CABCOCO1: variants seen among roughly 807,000 people sequenced by gnomAD.
CABCOCO1 encodes ciliary-associated calcium-binding coiled-coil protein 1.
Under a neutral mutation model 35.7 loss-of-function variants are expected in CABCOCO1, and 28 were observed. The observed-to-expected ratio is 0.78, with a 90% CI of 0.58 to 1.07. The LOEUF is 1.07. Ranked by LOEUF, CABCOCO1 falls within the 50% of genes least tolerant of loss-of-function variation. The pLI, the probability that CABCOCO1 is intolerant of heterozygous loss-of-function variation, is 0.00. For synonymous variants in CABCOCO1, 95 were observed against 100.1 expected (o/e 0.95, Z 0.30); for missense variants, 326 against 309.2 (o/e 1.05, Z -0.41).
At chr10:61,671,630 C>A (rs1253866162) in intron 1 of CABCOCO1, among the ~76,000 whole-genome samples, 1 of 152,170 alleles carries the variant, frequency 6.6e-6, no homozygotes, top group Non-Finnish European at 1.5e-5. Flanking sequence ...CATAACATGA[C>A]TACATTCACC....
At chr10:61,701,734 C>G in intron 5 of CABCOCO1, 1 of 985,204 alleles carries the variant, frequency 1.0e-6, no homozygotes, top group Non-Finnish European at 1.2e-6. Context: ...TCAGGTTCAG[C>G]AACCCACATT....
At chr10:61,663,765 T>C (rs893950747) in intron 1 of CABCOCO1, among the ~76,000 whole-genome samples, 2 of 152,160 alleles carry the variant, frequency 1.3e-5, no homozygotes, top group Non-Finnish European at 2.9e-5. Context: ...TTTAAGTAAC[T>C]TTACTCATAA....
At chr10:61,683,844 G>A (rs1161769385) in intron 3 of CABCOCO1, among the ~76,000 whole-genome samples, 1 of 151,992 alleles carries the variant, frequency 6.6e-6, no homozygotes, top group Non-Finnish European at 1.5e-5. Context: ...ATTATCTACA[G>A]AAAGACATTA....
chr10:61,719,306 G>C (rs1840940646), intron 5 of CABCOCO1, among the ~76,000 whole-genome samples: 3 of 152,242 alleles, frequency 2.0e-5, no homozygotes, highest in Middle Eastern at 3.4e-3. Flanking sequence ...ACTAAGAAAA[G>C]TTAGGCCTAC....
At chr10:61,742,407 T>C (rs1259188387) in intron 5 of CABCOCO1, among the ~76,000 whole-genome samples, 1 of 152,120 alleles carries the variant, frequency 6.6e-6, no homozygotes, top group East Asian at 1.9e-4. Context: ...GCACGAACTA[T>C]ATGCAAGATG....
chr10:61,680,663 ATG>A (rs1377820342), intron 2 of CABCOCO1, among the ~76,000 whole-genome samples: 4 of 67,844 alleles, frequency 5.9e-5, no homozygotes, highest in Non-Finnish European at 1.2e-4. Context: ...TATGTTATAC[ATG>A]TATAACATAT....
At chr10:61,681,436 T>C (rs1839789193) in intron 3 of CABCOCO1, 124 bp downstream of exon 3, 2 of 653,446 alleles carry the variant, frequency 3.1e-6, no homozygotes, top group Admixed American at 7.4e-5. Flanking sequence ...TTTTCCTGAG[T>C]ATAACAAATA....
At chr10:61,690,419 C>G in intron 4 of CABCOCO1, 130 bp from the exon 5 acceptor site, 1 of 559,486 alleles carries the variant, frequency 1.8e-6, no homozygotes, top group South Asian at 2.6e-5. Flanking sequence ...AAGGAGGATG[C>G]TAAGTCTGTT....
chr10:61,749,328 G>A (rs1470077662), intron 5 of CABCOCO1, among the ~76,000 whole-genome samples: 1 of 152,178 alleles, frequency 6.6e-6, no homozygotes, highest in African/African-American at 2.4e-5. Context: ...CTGCATGCCT[G>A]TTCCTAGAGA....
At chr10:61,694,809 A>G (rs1326951228) in intron 5 of CABCOCO1, among the ~76,000 whole-genome samples, 1 of 152,004 alleles carries the variant, frequency 6.6e-6, no homozygotes, top group African/African-American at 2.4e-5. Flanking sequence ...CAAAAATTGG[A>G]GGGGGAAGAG....
At chr10:61,667,583 AG>A (rs1839228851) in intron 1 of CABCOCO1, among the ~76,000 whole-genome samples, 1 of 151,702 alleles carries the variant, frequency 6.6e-6, no homozygotes, top group African/African-American at 2.4e-5. Flanking sequence ...AAATTTTTAT[AG>A]TTTTATAATT....
intron 5 of CABCOCO1, among the ~76,000 whole-genome samples, chr10:61,750,625 T>C (rs1841760710): frequency 6.6e-6 from 1 of 152,200 alleles, no homozygotes; most frequent in Non-Finnish European, 1.5e-5. Context: ...AGAATCTGTC[T>C]GGTTGTTTGG....
At chr10:61,675,465 A>C (rs1839484724) in intron 2 of CABCOCO1, among the ~76,000 whole-genome samples, 1 of 152,222 alleles carries the variant, frequency 6.6e-6, no homozygotes, top group South Asian at 2.1e-4. Context: ...GGGACAGCAA[A>C]GATGAAAAAG....
At chr10:61,713,357 A>C (rs1336811265) in intron 5 of CABCOCO1, among the ~76,000 whole-genome samples, 1 of 152,078 alleles carries the variant, frequency 6.6e-6, no homozygotes. Context: ...TTGCACATTG[A>C]TTTTGTATCC....
At chr10:61,711,582 A>G (rs1181062326) in intron 5 of CABCOCO1, among the ~76,000 whole-genome samples, 2 of 152,106 alleles carry the variant, frequency 1.3e-5, no homozygotes, top group East Asian at 3.8e-4. Context: ...AGACAAAGTT[A>G]GTAAAAATAT....
intron 5 of CABCOCO1, among the ~76,000 whole-genome samples, chr10:61,713,043 AAAGTC>A (rs1173824399): frequency 2.6e-5 from 4 of 152,206 alleles, no homozygotes; most frequent in African/African-American, 9.6e-5. Context: ...TTCTGTGACG[AAAGTC>A]ATTGGTAGTT....
intron 5 of CABCOCO1, among the ~76,000 whole-genome samples, chr10:61,752,991 C>G (rs1231367475): frequency 6.6e-6 from 1 of 152,138 alleles, no homozygotes; most frequent in Non-Finnish European, 1.5e-5. Context: ...AAAAGAAAGA[C>G]TCGAACCAAG....
At chr10:61,669,911 TA>T (rs1436480494) in intron 1 of CABCOCO1, among the ~76,000 whole-genome samples, 5 of 152,136 alleles carry the variant, frequency 3.3e-5, no homozygotes, top group Admixed American at 1.3e-4. Context: ...TTAAAACACA[TA>T]AAAATGATAT....
intron 5 of CABCOCO1, chr10:61,701,931 T>G (rs1840469042): frequency 1.0e-5 from 5 of 494,218 alleles, no homozygotes; most frequent in Non-Finnish European, 1.3e-5. Flanking sequence ...CAAAGATCGT[T>G]GGATCTTCTA....
Sources: gnomAD v4.1 joint callset for allele counts (sites outside exome capture counted in the v4.1 genomes callset) on GRCh38, gnomAD v4.1.1 for gene constraint, MANE v1.5 for transcripts, NCBI Gene and HGNC (gene_info 2026-07-23, HGNC 2026-07-21) for gene names.